ECM2: variants seen among roughly 807,000 people sequenced by gnomAD.
The protein encoded by ECM2 is extracellular matrix protein 2.
ECM2 carries 57 observed loss-of-function variants against 67.5 expected under a neutral mutation model. The observed-to-expected ratio is 0.84, with a 90% CI of 0.68 to 1.05. The LOEUF is 1.05. Among genes scored for constraint, ECM2 ranks in the 50% least tolerant of loss-of-function variants. The pLI is 0.00. For missense variants in ECM2, 741 were observed against 822.8 expected, an observed-to-expected ratio of 0.90 and a Z score of 1.22; for synonymous variants, 258 against 294.5, an observed-to-expected ratio of 0.88 and a Z score of 1.27.
intron 1 of ECM2, among the ~76,000 whole-genome samples, chr9:92,523,742 C>A (rs548850796): frequency 6.6e-6 from 1 of 152,164 alleles, no homozygotes; most frequent in African/African-American, 2.4e-5. Flanking sequence ...TAACTAGGAG[C>A]CTGTACGTCT....
At chr9:92,553,547 G>T in the ECM2 span, among the ~76,000 whole-genome samples, 32 of 152,270 alleles carry the variant, frequency 2.1e-4, no homozygotes, top group East Asian at 6.2e-3. Flanking sequence ...AGCATGGGAT[G>T]TGTTTCCATT....
the ECM2 span, among the ~76,000 whole-genome samples, chr9:92,545,338 C>T: frequency 4.6e-5 from 7 of 152,130 alleles, no homozygotes; most frequent in South Asian, 1.2e-3. Flanking sequence ...TCTGGGTGGG[C>T]GTGGGCTTGG....
At chr9:92,515,320 T>A in intron 3 of ECM2, 117 bp from the exon 4 acceptor site, 3 of 1,272,230 alleles carry the variant, frequency 2.4e-6, no homozygotes, top group Non-Finnish European at 3.0e-6. Context: ...TGAGTGCAAT[T>A]TAAAGATGAA....
Position 92,496,279 on chromosome 9 carries a change from G to A in ECM2, c.*36C>T, listed in dbSNP as rs746810017. ...ACAAATGCAGCTACTACAAATACAT[G>A]AGTAAAGTTTATAAACAGCAAAGGA... On this transcript the variant is annotated 3_prime_UTR_variant, in exon 10 of 10. Transcript: ENST00000344604. 1 of 1,545,958 alleles carries A rather than the reference G, an allele frequency of 6.5e-7. No individual in the cohort carries two copies. Among genetic ancestry groups the A allele is most frequent in the Non-Finnish European group, 8.7e-7 (1 of 1,155,328 alleles).
chr9:92,536,956 G>A (rs748712156), upstream of ECM2, among the ~76,000 whole-genome samples: 2 of 148,698 alleles, frequency 1.3e-5, no homozygotes, highest in Non-Finnish European at 3.0e-5. Context: ...TGAAACCTCC[G>A]CCTCCCAGGT....
the ECM2 span, among the ~76,000 whole-genome samples, chr9:92,559,013 G>C: frequency 1.3e-5 from 2 of 152,076 alleles, no homozygotes. Context: ...TTTCCAAGCA[G>C]AGGGCAAGAG....
the ECM2 span, among the ~76,000 whole-genome samples, chr9:92,546,446 T>G: frequency 6.6e-5 from 10 of 152,290 alleles, no homozygotes; most frequent in South Asian, 2.1e-3. Flanking sequence ...TGGGGGAAGA[T>G]CTGCAGCTTC....
intron 1 of ECM2, among the ~76,000 whole-genome samples, chr9:92,530,982 T>C (rs577553632): frequency 7.9e-5 from 12 of 152,320 alleles, no homozygotes; most frequent in African/African-American, 2.9e-4. Context: ...TTTTGATTAA[T>C]GTCTGCAAAA....
the ECM2 span, among the ~76,000 whole-genome samples, chr9:92,542,272 C>A: frequency 6.6e-6 from 1 of 152,048 alleles, no homozygotes; most frequent in Non-Finnish European, 1.5e-5. Flanking sequence ...CTATCAAGTT[C>A]CTTATATATT....
chr9:92,514,812 G>C lies in ECM2; in HGVS notation c.873C>G (p.Asp291Glu), dbSNP rs780015343. 6.2e-7 allele frequency: 1 copy of C among 1,612,976 alleles called. No individual in the cohort carries two copies. The highest frequency in any genetic ancestry group is 8.5e-7 in the Non-Finnish European group (1 of 1,179,580). The change falls in exon 4 of 10, where the codon GAC (aspartate) becomes GAG (glutamate). Residue 291 changes from aspartate to glutamate, a missense_variant. By Grantham distance (45) the Asp-to-Glu change is conservative (BLOSUM62 2). Transcript: ENST00000344604. ...EGEEDEEDEEDPVRGDMFRMP... is the reference protein window; with the variant it reads ...EGEEDEEDEEEPVRGDMFRMP... Reference sequence around the variant, plus strand: ...TTCGGAACATATCTCCTCTTACCGGGTCCTCCTCGTCCTCCTCATCCTCCT... The same window carrying C: ...TTCGGAACATATCTCCTCTTACCGGCTCCTCCTCGTCCTCCTCATCCTCCT...
intron 1 of ECM2, among the ~76,000 whole-genome samples, chr9:92,531,999 T>C (rs1848789210): frequency 6.7e-6 from 1 of 149,596 alleles, no homozygotes; most frequent in Admixed American, 6.6e-5. Context: ...CTTTTCTTTT[T>C]CTTTTTTTAT....
intron 9 of ECM2, among the ~76,000 whole-genome samples, chr9:92,498,004 A>G (rs1846454444): frequency 6.6e-6 from 1 of 152,058 alleles, no homozygotes; most frequent in African/African-American, 2.4e-5. Context: ...CCCTCACCAG[A>G]TGCAGATGCC....
At chr9:92,523,445 G>C (rs1848201379) in intron 1 of ECM2, among the ~76,000 whole-genome samples, 1 of 152,126 alleles carries the variant, frequency 6.6e-6, no homozygotes, top group Non-Finnish European at 1.5e-5. Context: ...GGTACCCAAA[G>C]CCCTGTGGCA....
intron 2 of ECM2, among the ~76,000 whole-genome samples, chr9:92,521,593 T>C (rs1215405681): frequency 2.0e-5 from 3 of 152,234 alleles, no homozygotes; most frequent in Non-Finnish European, 4.4e-5. Flanking sequence ...GAAAGTTTTA[T>C]TTAGTGGTAA....
Position 92,502,501 on chromosome 9 carries a change from G to C in ECM2, c.1604+12C>G, listed in dbSNP as rs1208065456. 2.5e-6 allele frequency: 4 copies of C among 1,610,698 alleles called. No individual in the cohort carries two copies. Among genetic ancestry groups the C allele is most frequent in the South Asian group, 1.1e-5 (1 of 90,520 alleles). On this transcript the variant is annotated intron_variant, in intron 8 of 9. Coordinates refer to ENST00000344604, the MANE Select transcript of ECM2 (RefSeq NM_001393.4). ...ATAGTTCAATAAAATTTAAATTGTA[G>C]CATGTACTTACTCTTGATTTATCCA...
intron 3 of ECM2, among the ~76,000 whole-genome samples, chr9:92,515,801 A>G (rs1183279718): frequency 3.3e-5 from 5 of 152,158 alleles, no homozygotes; most frequent in Non-Finnish European, 7.3e-5. Flanking sequence ...CCCAGACTCT[A>G]TACTTAAATC....
chr9:92,553,649 T>TTTTA, the ECM2 span, among the ~76,000 whole-genome samples: 4 of 152,254 alleles, frequency 2.6e-5, no homozygotes, highest in East Asian at 3.9e-4. Flanking sequence ...TTCCTAAATA[T>TTTTA]TTTATTTATT....
chr9:92,524,010 G>A (rs947805017), intron 1 of ECM2, among the ~76,000 whole-genome samples: 3 of 152,228 alleles, frequency 2.0e-5, no homozygotes, highest in Non-Finnish European at 1.5e-5. Context: ...CTCATTACCA[G>A]TAAAGGTGGT....
chr9:92,557,638 C>T, the ECM2 span, among the ~76,000 whole-genome samples: 12 of 151,978 alleles, frequency 7.9e-5, no homozygotes, highest in Non-Finnish European at 1.5e-4. Flanking sequence ...GAGCATTTCG[C>T]ATTTCTTTGT....
Sources: gnomAD v4.1 joint callset for allele counts (sites outside exome capture counted in the v4.1 genomes callset) on GRCh38, gnomAD v4.1.1 for gene constraint, MANE v1.5 for transcripts, NCBI Gene and HGNC (gene_info 2026-07-23, HGNC 2026-07-21) for gene names.